The following PIP4K2A variants were observed in gnomAD, a reference collection of about 807,000 sequenced individuals.
The protein encoded by PIP4K2A is phosphatidylinositol 5-phosphate 4-kinase type-2 alpha.
A neutral mutation model predicts 42.9 loss-of-function variants in PIP4K2A; 14 were observed. The observed-to-expected ratio is 0.33, with a 90% confidence interval of 0.22 to 0.51. The LOEUF (loss-of-function observed/expected upper bound fraction) is 0.51. PIP4K2A is among the 20% of genes least tolerant of loss of function. The pLI, the probability that PIP4K2A is intolerant of heterozygous loss-of-function variation, is 0.97. For synonymous variants in PIP4K2A, 192 were observed against 192.2 expected (o/e 1.00, Z 0.01); for missense variants, 434 against 519.8 (o/e 0.83, Z 1.61).
chr10:22,698,269 A>G (rs144082897), intron 1 of PIP4K2A, among the ~76,000 whole-genome samples: 1 of 152,212 alleles, frequency 6.6e-6, no homozygotes, highest in African/African-American at 2.4e-5. Context: ...GGAAAAAAGG[A>G]TATCTTTTTA....
intron 1 of PIP4K2A, among the ~76,000 whole-genome samples, chr10:22,710,652 C>T (rs1014118993): frequency 1.3e-5 from 2 of 152,168 alleles, no homozygotes; most frequent in Non-Finnish European, 2.9e-5. Context: ...CACATGGTTC[C>T]ATTACCAGCC....
intron 3 of PIP4K2A, among the ~76,000 whole-genome samples, chr10:22,602,558 G>A (rs761450538): frequency 3.9e-5 from 6 of 152,038 alleles, no homozygotes; most frequent in Non-Finnish European, 8.8e-5. Flanking sequence ...TGTGTTTCTT[G>A]CTATTTTAAC....
chr10:22,681,504 T>C (rs1373914140), intron 1 of PIP4K2A, among the ~76,000 whole-genome samples: 1 of 152,032 alleles, frequency 6.6e-6, no homozygotes, highest in Non-Finnish European at 1.5e-5. Flanking sequence ...TGAGACCTTG[T>C]CTCTTCAAAA....
chr10:22,548,524 T>C (rs1836311229), intron 7 of PIP4K2A, among the ~76,000 whole-genome samples: 1 of 152,214 alleles, frequency 6.6e-6, no homozygotes, highest in South Asian at 2.1e-4. Flanking sequence ...CATATTCTTC[T>C]CAGTATCAAG....
intron 1 of PIP4K2A, among the ~76,000 whole-genome samples, chr10:22,659,107 C>T (rs1269416239): frequency 1.3e-5 from 2 of 152,340 alleles, no homozygotes; most frequent in South Asian, 2.1e-4. Context: ...GGTCCCTCTG[C>T]ATAACATGAA....
chr10:22,549,021 C>G (rs982763055), intron 7 of PIP4K2A, among the ~76,000 whole-genome samples: 1 of 152,208 alleles, frequency 6.6e-6, no homozygotes, highest in Admixed American at 6.5e-5. Context: ...CCACCCCACT[C>G]TAGCCAACAC....
intron 1 of PIP4K2A, among the ~76,000 whole-genome samples, chr10:22,705,450 A>C: frequency 6.9e-6 from 1 of 144,970 alleles, no homozygotes; most frequent in Non-Finnish European, 1.5e-5. Context: ...AAAAAAAAAA[A>C]AAAAAAAAAA....
intron 1 of PIP4K2A, among the ~76,000 whole-genome samples, chr10:22,674,219 T>C (rs1839510627): frequency 6.6e-6 from 1 of 152,084 alleles, no homozygotes; most frequent in Non-Finnish European, 1.5e-5. Flanking sequence ...TTGTGCATGG[T>C]GGGTATTCAC....
At chr10:22,555,376 G>A (rs1037420882) in intron 6 of PIP4K2A, among the ~76,000 whole-genome samples, 3 of 152,186 alleles carry the variant, frequency 2.0e-5, no homozygotes, top group African/African-American at 7.2e-5. Flanking sequence ...ATGTAAAAAG[G>A]CCTAAAATGG....
intron 3 of PIP4K2A, among the ~76,000 whole-genome samples, chr10:22,597,623 C>T (rs1837662859): frequency 6.6e-6 from 1 of 151,638 alleles, no homozygotes; most frequent in African/African-American, 2.4e-5. Context: ...ATTCTATATG[C>T]ACTCTCTATA....
At chr10:22,677,900 G>A (rs1489101599) in intron 1 of PIP4K2A, among the ~76,000 whole-genome samples, 1 of 152,176 alleles carries the variant, frequency 6.6e-6, no homozygotes, top group Non-Finnish European at 1.5e-5. Context: ...AAGGGAGGCT[G>A]CGTGTGGTCT....
intron 1 of PIP4K2A, among the ~76,000 whole-genome samples, chr10:22,657,557 C>T (rs1483282202): frequency 6.6e-6 from 1 of 152,206 alleles, no homozygotes; most frequent in African/African-American, 2.4e-5. Flanking sequence ...AAAGCAAAGA[C>T]AGACGCACTG....
chr10:22,633,920 G>A (rs949109497), intron 1 of PIP4K2A, among the ~76,000 whole-genome samples: 10 of 152,184 alleles, frequency 6.6e-5, no homozygotes, highest in Admixed American at 6.5e-4. Flanking sequence ...GCTGCTGTGA[G>A]GAAAAACGGA....
intron 1 of PIP4K2A, among the ~76,000 whole-genome samples, chr10:22,668,482 G>C (rs45520040): frequency 6.6e-6 from 1 of 151,920 alleles, no homozygotes; most frequent in Non-Finnish European, 1.5e-5. Context: ...GGATCATATT[G>C]AAATATCATA....
At chr10:22,675,648 A>C (rs1413100884) in intron 1 of PIP4K2A, among the ~76,000 whole-genome samples, 1 of 152,202 alleles carries the variant, frequency 6.6e-6, no homozygotes, top group African/African-American at 2.4e-5. Flanking sequence ...AATGTCAATA[A>C]ACAAGCCATT....
intron 1 of PIP4K2A, among the ~76,000 whole-genome samples, chr10:22,691,310 G>A (rs1839861581): frequency 1.3e-5 from 2 of 152,108 alleles, no homozygotes; most frequent in South Asian, 4.1e-4. Flanking sequence ...TAAAAGGCCC[G>A]AAATGCTCAT....
intron 6 of PIP4K2A, among the ~76,000 whole-genome samples, chr10:22,566,461 C>A (rs770196681): frequency 2.0e-5 from 3 of 152,090 alleles, no homozygotes; most frequent in South Asian, 2.1e-4. Context: ...CATCCTTAAC[C>A]CCCTTCCCTC....
chr10:22,659,781 T>G (rs933347127), intron 1 of PIP4K2A: 9 of 152,130 alleles, frequency 5.9e-5, no homozygotes, highest in African/African-American at 2.2e-4. Flanking sequence ...CACTCCAGCT[T>G]GGGCGACAGA....
chr10:22,607,849 A>G (rs970759442), intron 3 of PIP4K2A, 78 bp downstream of exon 3: 1 of 813,678 alleles, frequency 1.2e-6, no homozygotes, highest in South Asian at 1.6e-5. Context: ...TGACAAAAAT[A>G]CAGATCCCAA....
Sources: allele counts gnomAD v4.1 joint callset (sites outside exome capture counted in the v4.1 genomes callset), GRCh38; gene constraint gnomAD v4.1.1; transcripts MANE v1.5; gene names NCBI Gene and HGNC (gene_info 2026-07-23, HGNC 2026-07-21).